Variants in NMNAT3 observed in about 807,000 individuals in gnomAD.
The protein encoded by NMNAT3 is nicotinamide nucleotide adenylyltransferase 3.
NMNAT3 carries 21 observed loss-of-function variants against 24.8 expected under a neutral mutation model. The ratio of observed to expected loss-of-function variants is 0.85; its 90% CI spans 0.60 to 1.22. The LOEUF is 1.22. NMNAT3 is among the 50% of genes most tolerant of loss of function. The pLI, the probability that NMNAT3 is intolerant of heterozygous loss-of-function variation, is 0.00. For synonymous variants in NMNAT3, 136 were observed against 155.2 expected (o/e 0.88, Z 0.92); for missense variants, 387 against 436.6 (o/e 0.89, Z 1.01).
chr3:139,625,628 A>G (rs2056017327), intron 3 of NMNAT3, among the ~76,000 whole-genome samples: 1 of 152,256 alleles, frequency 6.6e-6, no homozygotes, highest in Middle Eastern at 3.4e-3. Context: ...TTACTTCTAC[A>G]TAGGTTATAA....
chr3:139,654,261 A>G (rs865831638), intron 1 of NMNAT3, among the ~76,000 whole-genome samples: 24 of 152,354 alleles, frequency 1.6e-4, no homozygotes, highest in Middle Eastern at 3.4e-3. Context: ...GTGTGTCCCT[A>G]CTGATCCATG....
At chr3:139,646,375 G>C (rs1428495722) in intron 1 of NMNAT3, among the ~76,000 whole-genome samples, 1 of 152,148 alleles carries the variant, frequency 6.6e-6, no homozygotes, top group Non-Finnish European at 1.5e-5. Flanking sequence ...TTAAACTTTA[G>C]CCATTCACAT....
chr3:139,576,776 G>A (rs1018974729), intron 5 of NMNAT3, among the ~76,000 whole-genome samples: 1 of 152,120 alleles, frequency 6.6e-6, no homozygotes, highest in Non-Finnish European at 1.5e-5. Context: ...TTAAAAAGAG[G>A]CCTGGTGTGG....
At chr3:139,595,667 A>T (rs2054417930) in intron 3 of NMNAT3, among the ~76,000 whole-genome samples, 1 of 152,154 alleles carries the variant, frequency 6.6e-6, no homozygotes, top group Non-Finnish European at 1.5e-5. Flanking sequence ...CATATCTACA[A>T]CTATCTGATC....
At position 139,579,188 on chromosome 3, in the gene NMNAT3, G is replaced by A. The variant is rs538449705; in HGVS notation, c.392-133C>T. The A allele has an allele frequency of 6.0e-5, 43 of 712,702 alleles. No individual in the cohort carries two copies. In the South Asian group the frequency reaches 7.4e-4, roughly 12 times the overall value. The allele number at this position is 712,702 out of a possible 1,614,324, so 44.1% of individuals were successfully genotyped here. On this transcript the variant is annotated intron_variant, in intron 4 of 6. Coordinates refer to ENST00000643695, the MANE Select transcript of NMNAT3 (RefSeq NM_001320510.2). ...AGTAGACTCTGGCATTCTCTCATGG[G>A]GGAGAAAGGGTAGCTCCCTTAGGCA...
At chr3:139,603,686 G>A (rs2054814458) in intron 3 of NMNAT3, among the ~76,000 whole-genome samples, 1 of 151,796 alleles carries the variant, frequency 6.6e-6, no homozygotes, top group Non-Finnish European at 1.5e-5. Flanking sequence ...CCACTAATAT[G>A]CCTCATTGCT....
chr3:139,667,800 T>C (rs2057631733), intron 1 of NMNAT3, among the ~76,000 whole-genome samples: 1 of 152,236 alleles, frequency 6.6e-6, no homozygotes, highest in Non-Finnish European at 1.5e-5. Flanking sequence ...TAATGGTGTA[T>C]GTATGACTTC....
intron 1 of NMNAT3, among the ~76,000 whole-genome samples, chr3:139,654,827 A>G (rs920957489): frequency 6.6e-6 from 1 of 152,254 alleles, no homozygotes; most frequent in Non-Finnish European, 1.5e-5. Flanking sequence ...AACATCAAAC[A>G]GCAGCTATGA....
Position 139,560,714 on chromosome 3 carries a change from C to G in NMNAT3, c.*296G>C. 2.9e-6 allele frequency: 1 copy of G among 347,504 alleles called. No homozygotes were observed. Among genetic ancestry groups the G allele is most frequent in the East Asian group, 5.4e-5 (1 of 18,460 alleles). 21.5% of individuals were successfully genotyped at this position (347,504 alleles called of 1,614,324 possible). A position where few individuals can be genotyped will look rare whatever the true frequency, so the allele number is the denominator to read the frequency against. On this transcript the variant is annotated 3_prime_UTR_variant, in exon 7 of 7. Transcript: ENST00000643695. ...GCGTGCATGCCATAATTACCATCCA[C>G]ACAAAATAAGTAGACCTCCTTGTCC...
chr3:139,667,375 CAT>C (rs947541630), intron 1 of NMNAT3, among the ~76,000 whole-genome samples: 1 of 152,066 alleles, frequency 6.6e-6, no homozygotes, highest in Non-Finnish European at 1.5e-5. Flanking sequence ...GGGGATTTTT[CAT>C]GTGTCTGTTG....
chr3:139,630,659 G>A (rs1474613812), intron 2 of NMNAT3, among the ~76,000 whole-genome samples: 1 of 152,188 alleles, frequency 6.6e-6, no homozygotes, highest in Non-Finnish European at 1.5e-5. Flanking sequence ...CATGTACTCT[G>A]AGCTACAGTG....
rs115293738 is a variant in NMNAT3 at position 139,644,925 on chromosome 3, C to T, written c.-140-6863G>A. ...GCAATGTAAGAATACAGCTCGCGGC[C>T]GGGAGTGGTGGCTCACACCTGTAAT... On this transcript the variant is annotated intron_variant, in intron 1 of 6. Coordinates refer to ENST00000643695, the MANE Select transcript of NMNAT3 (RefSeq NM_001320510.2). Among the ~76,000 whole-genome samples, 934 of 152,196 alleles carry T rather than the reference C, an allele frequency of 6.1e-3. 8 individuals are homozygous for T. The highest frequency in any genetic ancestry group is 0.021 in the African/African-American group (878 of 41,522).
chr3:139,610,676 T>C (rs954404630), intron 3 of NMNAT3, among the ~76,000 whole-genome samples: 1 of 152,214 alleles, frequency 6.6e-6, no homozygotes, highest in African/African-American at 2.4e-5. Flanking sequence ...ACTCATGCTC[T>C]TGTGGTATCT....
At position 139,561,292 on chromosome 3, in the gene NMNAT3, C is replaced by T. The variant is rs759630218; in HGVS notation, c.759G>A (p.Lys253=). The T allele has an allele frequency of 1.3e-5, 21 of 1,613,948 alleles. No homozygotes were observed. The highest frequency in any genetic ancestry group is 8.5e-7 in the Non-Finnish European group (1 of 1,180,000). Residue 253 remains lysine (K), a synonymous_variant, in exon 7 of 7, where the codon AAG becomes AAA. Coordinates refer to ENST00000643695, the MANE Select transcript of NMNAT3 (RefSeq NM_001320510.2). ...CTCGGCCCACGCACACCAAGCCAAA[C>T]TTCTCCACTATTTCCTGGATGTGCG...
At chr3:139,673,095 A>G (rs2057810497) in intron 1 of NMNAT3, among the ~76,000 whole-genome samples, 2 of 152,196 alleles carry the variant, frequency 1.3e-5, no homozygotes, top group Admixed American at 1.3e-4. Context: ...GATAAAATCT[A>G]TGCTGGAGAC....
At chr3:139,573,829 C>T (rs1047462800) in intron 5 of NMNAT3, 149 bp from the exon 6 acceptor site, 9 of 494,218 alleles carry the variant, frequency 1.8e-5, no homozygotes, top group Middle Eastern at 2.9e-4. Flanking sequence ...CTGTGGCAGG[C>T]ATTGCCAGGA....
At chr3:139,659,377 G>A (rs2057344829) in intron 1 of NMNAT3, among the ~76,000 whole-genome samples, 1 of 152,202 alleles carries the variant, frequency 6.6e-6, no homozygotes, top group African/African-American at 2.4e-5. Context: ...AAAAAGCACA[G>A]TTCTAGAGTA....
chr3:139,579,841 A>G (rs1559870067), intron 4 of NMNAT3, among the ~76,000 whole-genome samples: 1 of 152,138 alleles, frequency 6.6e-6, no homozygotes, highest in Non-Finnish European at 1.5e-5. Context: ...TGAACATTGA[A>G]TTTTATTAAA....
At chr3:139,598,160 A>C (rs755383378) in intron 3 of NMNAT3, among the ~76,000 whole-genome samples, 4 of 152,198 alleles carry the variant, frequency 2.6e-5, no homozygotes, top group Non-Finnish European at 5.9e-5. Flanking sequence ...TGGTAGGCTC[A>C]CTAGAGGAGA....
Sources: gnomAD v4.1 joint callset for allele counts (sites outside exome capture counted in the v4.1 genomes callset) on GRCh38, gnomAD v4.1.1 for gene constraint, MANE v1.5 for transcripts, NCBI Gene and HGNC (gene_info 2026-07-23, HGNC 2026-07-21) for gene names.